SHC3: variants seen among roughly 807,000 people sequenced by gnomAD.
SHC3 encodes SHC adaptor protein 3.
A neutral mutation model predicts 60.4 loss-of-function variants in SHC3; 15 were observed. The observed-to-expected ratio is 0.25, with a 90% CI of 0.17 to 0.38. The LOEUF (loss-of-function observed/expected upper bound fraction) is 0.38. SHC3 is among the 10% of genes least tolerant of loss of function. The pLI is 1.00. For synonymous variants in SHC3, 294 were observed against 325.9 expected, an observed-to-expected ratio of 0.90 and a Z score of 1.05; for missense variants, 677 against 786.1, an observed-to-expected ratio of 0.86 and a Z score of 1.66.
intron 1 of SHC3, among the ~76,000 whole-genome samples, chr9:89,133,473 G>A (rs1826278379): frequency 6.6e-6 from 1 of 152,140 alleles, no homozygotes; most frequent in Non-Finnish European, 1.5e-5. Context: ...TATGTTCACT[G>A]TGGCACTATT....
At chr9:89,053,362 C>T (rs897205845) in intron 6 of SHC3, among the ~76,000 whole-genome samples, 6 of 152,228 alleles carry the variant, frequency 3.9e-5, no homozygotes, top group Non-Finnish European at 4.4e-5. Context: ...GAACTGTGCC[C>T]TCCCTATAGG....
chr9:89,075,103 A>G lies in SHC3; in HGVS notation c.729+6T>C. On this transcript the variant is annotated splice_donor_region_variant and intron_variant, in intron 4 of 11. Transcript: ENST00000375835. ...GCAGGGACAGGGGATCTGAGCACCC[A>G]TGTACCTGTTTGGAGTCCGGAGTTC... 6.2e-7 allele frequency: 1 copy of G among 1,613,694 alleles called. No individual in the cohort carries two copies. The highest frequency in any genetic ancestry group is 2.2e-5 in the East Asian group (1 of 44,872).
intron 2 of SHC3, among the ~76,000 whole-genome samples, chr9:89,083,874 C>T (rs1825485862): frequency 2.0e-5 from 3 of 152,054 alleles, no homozygotes; most frequent in African/African-American, 4.8e-5. Flanking sequence ...CCAGCTAGGC[C>T]GAGGGCACGT....
At chr9:89,116,518 A>C (rs888198860) in intron 1 of SHC3, among the ~76,000 whole-genome samples, 4 of 152,208 alleles carry the variant, frequency 2.6e-5, no homozygotes, top group Non-Finnish European at 2.9e-5. Flanking sequence ...AAATATGTGA[A>C]TACCACCAAC....
At chr9:89,050,458 G>A (rs1249090594) in intron 7 of SHC3, among the ~76,000 whole-genome samples, 1 of 152,118 alleles carries the variant, frequency 6.6e-6, no homozygotes, top group Non-Finnish European at 1.5e-5. Flanking sequence ...ACTAATTTTT[G>A]TATTTTTAGT....
chr9:89,109,021 T>G, intron 2 of SHC3: 46 of 979,432 alleles, frequency 4.7e-5, no homozygotes, highest in Middle Eastern at 5.3e-4. Flanking sequence ...TGACATTCTC[T>G]GAGGTTCCAA....
At chr9:89,067,853 TTAAA>T (rs1825208639) in intron 5 of SHC3, among the ~76,000 whole-genome samples, 1 of 152,154 alleles carries the variant, frequency 6.6e-6, no homozygotes, top group Non-Finnish European at 1.5e-5. Context: ...AGGGGGAGAG[TTAAA>T]TAAAAAGTAT....
rs114504928 is a variant in SHC3 at position 89,109,602 on chromosome 9, C to A, written c.545+2954G>T. 6.1e-6 allele frequency: 6 copies of A among 985,478 alleles called. No homozygotes were observed. The East Asian group carries it at 6.8e-4, about 112-fold the overall frequency. 61.0% of individuals were successfully genotyped at this position (985,478 alleles called of 1,614,324 possible). On this transcript the variant is annotated intron_variant, in intron 2 of 11. Transcript: ENST00000375835. Reference sequence around the variant, plus strand: ...AGAGAAGAGAGGGTGGACGCAGTTGCGAAGCTGTGCTGAGATCTTGTCTGG... The same window carrying A: ...AGAGAAGAGAGGGTGGACGCAGTTGAGAAGCTGTGCTGAGATCTTGTCTGG...
chr9:89,072,915 C>T (rs891265683), intron 4 of SHC3, among the ~76,000 whole-genome samples: 4 of 152,092 alleles, frequency 2.6e-5, no homozygotes, highest in Non-Finnish European at 4.4e-5. Context: ...GTTTTAAATG[C>T]CTACTTTGGT....
chr9:89,112,636 GA>G lies in SHC3; in HGVS notation c.475-11del, dbSNP rs748588093. ...CAATGCACCCCAAGTACTGCAAGGGGAAAAAATGTAAATCGTGAGCCCTGAG... is the reference window on the plus strand; with the variant it reads ...CAATGCACCCCAAGTACTGCAAGGGGAAAAATGTAAATCGTGAGCCCTGAG... On this transcript the variant is annotated splice_polypyrimidine_tract_variant and intron_variant, in intron 1 of 11. Coordinates refer to ENST00000375835, the MANE Select transcript of SHC3 (RefSeq NM_016848.6). 8.2e-6 allele frequency: 13 copies of G among 1,576,180 alleles called. No homozygotes were observed. The highest frequency in any genetic ancestry group is 1.7e-4 in the Middle Eastern group (1 of 5,974).
chr9:89,031,039 T>C (rs550700703), intron 11 of SHC3, among the ~76,000 whole-genome samples: 1 of 152,232 alleles, frequency 6.6e-6, no homozygotes, highest in South Asian at 2.1e-4. Flanking sequence ...TACAGGTGCA[T>C]ACCACCATGC....
intron 2 of SHC3, among the ~76,000 whole-genome samples, chr9:89,090,357 G>A (rs1207054312): frequency 2.0e-5 from 3 of 152,160 alleles, no homozygotes; most frequent in African/African-American, 7.2e-5. Flanking sequence ...ATGTGCCAAC[G>A]GCTTTGGAGA....
At chr9:89,059,889 A>T (rs1306916953) in intron 6 of SHC3, among the ~76,000 whole-genome samples, 1 of 141,076 alleles carries the variant, frequency 7.1e-6, no homozygotes, top group African/African-American at 2.7e-5. Flanking sequence ...GACGTTGCAG[A>T]GGATGGTGGT....
At chr9:89,130,970 C>A (rs1166047293) in intron 1 of SHC3, among the ~76,000 whole-genome samples, 1 of 152,040 alleles carries the variant, frequency 6.6e-6, no homozygotes, top group Non-Finnish European at 1.5e-5. Context: ...AATCCAGGAG[C>A]TGGTTTTTTG....
At chr9:89,143,532 C>T (rs754523646) in intron 1 of SHC3, among the ~76,000 whole-genome samples, 2 of 152,198 alleles carry the variant, frequency 1.3e-5, no homozygotes, top group African/African-American at 2.4e-5. Flanking sequence ...ATGCCTCTGA[C>T]ACTTCCACCC....
At chr9:89,159,699 G>T (rs1003703368) in intron 1 of SHC3, among the ~76,000 whole-genome samples, 15 of 152,216 alleles carry the variant, frequency 9.9e-5, no homozygotes, top group African/African-American at 3.6e-4. Flanking sequence ...TGAAGAACTT[G>T]GAGTCGGATA....
At position 89,092,477 on chromosome 9, in the gene SHC3, C is replaced by T. The variant is rs183755493; in HGVS notation, c.546-14574G>A. ...TTAAAAATACAAACAAATAGCCAGG[C>T]GTGGTGGCGGGCACCTGTAGTCCCA... On this transcript the variant is annotated intron_variant, in intron 2 of 11. Transcript: ENST00000375835. Among the ~76,000 whole-genome samples, 890 of 151,888 alleles carry T rather than the reference C, an allele frequency of 5.9e-3. 7 individuals are homozygous for T. Among genetic ancestry groups the T allele is most frequent in the African/African-American group, 0.02 (828 of 41,434 alleles).
chr9:89,054,174 G>A (rs535563770), intron 6 of SHC3, among the ~76,000 whole-genome samples: 43 of 152,312 alleles, frequency 2.8e-4, no homozygotes, highest in African/African-American at 9.9e-4. Flanking sequence ...CTGGGAAGGG[G>A]CCTCTGTGGG....
At chr9:89,085,161 A>G (rs2118037253) in intron 2 of SHC3, among the ~76,000 whole-genome samples, 1 of 152,336 alleles carries the variant, frequency 6.6e-6, no homozygotes, top group East Asian at 1.9e-4. Flanking sequence ...AAAGGGGACC[A>G]CTGTGGTGCC....
Sources: gnomAD v4.1 joint callset for allele counts (sites outside exome capture counted in the v4.1 genomes callset) on GRCh38, gnomAD v4.1.1 for gene constraint, MANE v1.5 for transcripts, NCBI Gene and HGNC (gene_info 2026-07-23, HGNC 2026-07-21) for gene names.